The following WFDC11 variants were observed in gnomAD, a reference collection of about 807,000 sequenced individuals.
WFDC11 encodes WAP four-disulfide core domain 11.
WFDC11 carries 9 observed loss-of-function variants against 9.9 expected under a neutral mutation model. The ratio of observed to expected loss-of-function variants is 0.91; its 90% CI spans 0.55 to 1.58. WFDC11 has a LOEUF of 1.58. Among genes scored for constraint, WFDC11 ranks in the 40% most tolerant of loss-of-function variants. WFDC11 has a pLI of 0.00. For missense variants in WFDC11, 106 were observed against 101.7 expected (o/e 1.04, Z -0.18); for synonymous variants, 32 against 33.3 (o/e 0.96, Z 0.13).
intron 2 of WFDC11, among the ~76,000 whole-genome samples, chr20:45,666,752 A>C (rs1216205038): frequency 1.3e-5 from 2 of 152,196 alleles, no homozygotes; most frequent in African/African-American, 4.8e-5. Flanking sequence ...GAATACAGCC[A>C]ACCTTTTCTT....
Position 45,648,614 on chromosome 20 carries a change from TA to T in WFDC11, c.*104del. On this transcript the variant is annotated 3_prime_UTR_variant, in exon 5 of 5. Transcript: ENST00000324384. ...GTGTTTGCTGTTGTCCAGCTCTCAGTAAAAATAGACTGGTGTTCCTAAAAGT... is the reference window on the plus strand; with the variant it reads ...GTGTTTGCTGTTGTCCAGCTCTCAGTAAAATAGACTGGTGTTCCTAAAAGT... The T allele has an allele frequency of 7.9e-7, 1 of 1,259,484 alleles. No individual in the cohort carries two copies. Among genetic ancestry groups the T allele is most frequent in the Non-Finnish European group, 1.1e-6 (1 of 878,612 alleles). The allele number at this position is 1,259,484 out of a possible 1,614,324, so 78.0% of individuals were successfully genotyped here.
intron 2 of WFDC11, among the ~76,000 whole-genome samples, chr20:45,652,110 A>G (rs1304743628): frequency 6.6e-6 from 1 of 152,208 alleles, no homozygotes; most frequent in Non-Finnish European, 1.5e-5. Flanking sequence ...ACGCAGCTGG[A>G]GATCTGAGAA....
intron 2 of WFDC11, among the ~76,000 whole-genome samples, chr20:45,653,750 T>G (rs537096925): frequency 6.6e-6 from 1 of 151,576 alleles, no homozygotes; most frequent in Non-Finnish European, 1.5e-5. Flanking sequence ...ACCAAGCAAA[T>G]GGAAAACAAA....
intron 3 of WFDC11, among the ~76,000 whole-genome samples, 187 bp downstream of exon 3, chr20:45,650,314 G>C (rs924919835): frequency 2.0e-5 from 3 of 152,116 alleles, no homozygotes; most frequent in Admixed American, 2.0e-4. Flanking sequence ...GGTTAAAAGA[G>C]GAAGCATTGA....
intron 2 of WFDC11, among the ~76,000 whole-genome samples, chr20:45,666,552 C>T (rs966516177): frequency 1.3e-5 from 2 of 152,082 alleles, no homozygotes; most frequent in Admixed American, 6.5e-5. Flanking sequence ...ATTCGGCCAT[C>T]TTGGAGCCGC....
In WFDC11 at chr20:45,670,163, T is replaced by A. The variant is rs1600944979; in HGVS notation, c.-134+15A>T. The A allele has an allele frequency of 6.6e-6, 1 of 150,708 alleles. No individual in the cohort carries two copies. Among genetic ancestry groups the A allele is most frequent in the African/African-American group, 2.4e-5 (1 of 40,970 alleles). The allele number at this position is 150,708 out of a possible 1,614,324, so 9.3% of individuals were successfully genotyped here. Reference sequence around the variant, plus strand: ...CAAGTACCAAAATTTAATCAGTAATTAAAAAAAAACTTACCAACCAGAAAA... The same window carrying A: ...CAAGTACCAAAATTTAATCAGTAATAAAAAAAAAACTTACCAACCAGAAAA... On this transcript the variant is annotated intron_variant, in intron 1 of 4. Transcript: ENST00000324384.
chr20:45,666,190 G>A (rs1478106266), intron 2 of WFDC11, among the ~76,000 whole-genome samples: 1 of 152,228 alleles, frequency 6.6e-6, no homozygotes, highest in Non-Finnish European at 1.5e-5. Flanking sequence ...TGCTGCACTA[G>A]CAGTGAGCAA....
intron 2 of WFDC11, among the ~76,000 whole-genome samples, chr20:45,660,524 C>G (rs1299441727): frequency 2.0e-5 from 3 of 152,148 alleles, no homozygotes; most frequent in Admixed American, 1.3e-4. Flanking sequence ...ATTCACTCGT[C>G]ATTTAGCATT....
intron 2 of WFDC11, among the ~76,000 whole-genome samples, chr20:45,663,380 C>A (rs1225254459): frequency 6.6e-6 from 1 of 152,076 alleles, no homozygotes; most frequent in Non-Finnish European, 1.5e-5. Context: ...AAACCAGCTC[C>A]TGGATTTATT....
chr20:45,664,518 G>A (rs1983145628), intron 2 of WFDC11, among the ~76,000 whole-genome samples: 1 of 152,258 alleles, frequency 6.6e-6, no homozygotes, highest in Middle Eastern at 3.4e-3. Flanking sequence ...TAGCCTTCAT[G>A]GTCTGTACAA....
At chr20:45,658,799 G>T (rs1982990190) in intron 2 of WFDC11, among the ~76,000 whole-genome samples, 1 of 152,058 alleles carries the variant, frequency 6.6e-6, no homozygotes, top group African/African-American at 2.4e-5. Context: ...GTATACACGT[G>T]CCATGGTGAT....
chr20:45,662,703 T>C (rs1028749364), intron 2 of WFDC11, among the ~76,000 whole-genome samples: 5 of 152,218 alleles, frequency 3.3e-5, no homozygotes, highest in African/African-American at 1.2e-4. Flanking sequence ...TTTGGTTCTG[T>C]TTATGTGATG....
At chr20:45,663,565 G>A (rs1983120764) in intron 2 of WFDC11, among the ~76,000 whole-genome samples, 2 of 152,286 alleles carry the variant, frequency 1.3e-5, no homozygotes, top group South Asian at 4.2e-4. Context: ...TGGGCATTTA[G>A]TGCTATAAAT....
At chr20:45,664,174 T>G (rs1983136677) in intron 2 of WFDC11, among the ~76,000 whole-genome samples, 1 of 152,346 alleles carries the variant, frequency 6.6e-6, no homozygotes, top group East Asian at 1.9e-4. Flanking sequence ...TTTACCATTA[T>G]GTAATGGCCT....
chr20:45,663,366 CA>C (rs1296550368), intron 2 of WFDC11, among the ~76,000 whole-genome samples: 3 of 151,896 alleles, frequency 2.0e-5, no homozygotes, highest in African/African-American at 7.3e-5. Flanking sequence ...TTAATCTTTT[CA>C]AAAAACCAGC....
chr20:45,650,759 C>A, intron 2 of WFDC11, 108 bp from the exon 3 acceptor site: 1 of 608,238 alleles, frequency 1.6e-6, no homozygotes, highest in Non-Finnish European at 2.8e-6. Flanking sequence ...AGGCCTCTGC[C>A]TACCCAACAA....
intron 2 of WFDC11, among the ~76,000 whole-genome samples, chr20:45,660,687 A>G (rs1259767211): frequency 1.3e-5 from 2 of 151,898 alleles, no homozygotes; most frequent in African/African-American, 4.8e-5. Flanking sequence ...TGTTCTTGTG[A>G]TGGTTTACTG....
At chr20:45,662,021 T>C (rs1021401219) in intron 2 of WFDC11, among the ~76,000 whole-genome samples, 1 of 152,210 alleles carries the variant, frequency 6.6e-6, no homozygotes, top group Non-Finnish European at 1.5e-5. Context: ...TATGGCCATT[T>C]TCATGATATT....
intron 2 of WFDC11, among the ~76,000 whole-genome samples, chr20:45,652,528 C>T (rs1982831508): frequency 6.6e-6 from 1 of 152,168 alleles, no homozygotes; most frequent in African/African-American, 2.4e-5. Context: ...CAGAGTGCCT[C>T]TCCTCCTCCA....
Sources: allele counts gnomAD v4.1 joint callset (sites outside exome capture counted in the v4.1 genomes callset), GRCh38; gene constraint gnomAD v4.1.1; transcripts MANE v1.5; gene names NCBI Gene and HGNC (gene_info 2026-07-23, HGNC 2026-07-21).